Variants in RBFOX1 observed in about 807,000 individuals in gnomAD.
RBFOX1 encodes the protein RNA binding protein fox-1 homolog 1.
RBFOX1 carries 8 observed loss-of-function variants against 57.7 expected under a neutral mutation model. The observed-to-expected ratio is 0.14, with a 90% CI of 0.08 to 0.25. RBFOX1 has a LOEUF of 0.25. Among genes scored for constraint, RBFOX1 ranks in the 10% least tolerant of loss-of-function variants. RBFOX1 has a pLI of 1.00. For synonymous variants in RBFOX1, 326 were observed against 222.4 expected (o/e 1.47, Z -4.15); for missense variants, 611 against 548.5 (o/e 1.11, Z -1.14).
intron 2 of RBFOX1, among the ~76,000 whole-genome samples, chr16:5,483,567 G>A (rs1412353089): frequency 6.6e-6 from 1 of 152,162 alleles, no homozygotes; most frequent in Non-Finnish European, 1.5e-5. Context: ...TAGCTGTCAG[G>A]CTCTGCATTT....
chr16:7,110,897 A>G (rs936224648), intron 4 of RBFOX1, among the ~76,000 whole-genome samples: 4 of 152,154 alleles, frequency 2.6e-5, no homozygotes, highest in South Asian at 2.1e-4. Flanking sequence ...GTGATATAGA[A>G]TTAAGATTTT....
intron 1 of RBFOX1, among the ~76,000 whole-genome samples, chr16:5,372,807 C>T (rs558520571): frequency 1.3e-5 from 2 of 152,318 alleles, no homozygotes; most frequent in East Asian, 1.9e-4. Flanking sequence ...TGCTGGGTCG[C>T]GTTGACCCGC....
intron 3 of RBFOX1, among the ~76,000 whole-genome samples, chr16:5,833,122 C>A (rs778293041): frequency 1.3e-5 from 2 of 152,062 alleles, no homozygotes; most frequent in Non-Finnish European, 2.9e-5. Flanking sequence ...CATACTAGAG[C>A]CTTATGCATA....
chr16:6,009,989 C>T (rs148836508), intron 4 of RBFOX1, among the ~76,000 whole-genome samples: 140 of 152,242 alleles, frequency 9.2e-4, no homozygotes, highest in African/African-American at 2.9e-3. Flanking sequence ...TTTGACATTC[C>T]GTCAGTGGAG....
At chr16:5,869,367 A>G (rs1244289439) in intron 4 of RBFOX1, among the ~76,000 whole-genome samples, 1 of 152,154 alleles carries the variant, frequency 6.6e-6, no homozygotes. Flanking sequence ...ATCCAACAAG[A>G]AAACGATCAT....
At chr16:6,170,236 C>A (rs1293760191) in intron 1 of RBFOX1, among the ~76,000 whole-genome samples, 3 of 152,230 alleles carry the variant, frequency 2.0e-5, no homozygotes, top group Admixed American at 1.3e-4. Context: ...ACTATGAAAG[C>A]CGTGTTCATG....
chr16:7,636,183 C>T (rs151221091), intron 11 of RBFOX1, among the ~76,000 whole-genome samples: 4 of 152,338 alleles, frequency 2.6e-5, no homozygotes, highest in African/African-American at 9.6e-5. Context: ...CGTGCAACTA[C>T]ATCCATTCTA....
chr16:5,562,123 C>T (rs1479312246), intron 2 of RBFOX1, among the ~76,000 whole-genome samples: 1 of 152,112 alleles, frequency 6.6e-6, no homozygotes, highest in African/African-American at 2.4e-5. Flanking sequence ...TCTTCCTGAG[C>T]TCATGGCAAG....
chr16:5,428,126 G>GTC (rs1567495863), intron 1 of RBFOX1, among the ~76,000 whole-genome samples: 16 of 121,494 alleles, frequency 1.3e-4, no homozygotes, highest in Admixed American at 2.3e-4. Flanking sequence ...GTGTGTCTGT[G>GTC]TGTGTGTGTG....
chr16:6,192,350 T>A (rs2152811457), intron 1 of RBFOX1, among the ~76,000 whole-genome samples: 1 of 152,266 alleles, frequency 6.6e-6, no homozygotes, highest in Non-Finnish European at 1.5e-5. Context: ...TGGCATTTTG[T>A]CTTCTGAAGG....
chr16:5,669,868 A>C (rs1323855646), intron 3 of RBFOX1, among the ~76,000 whole-genome samples: 3 of 152,248 alleles, frequency 2.0e-5, no homozygotes, highest in African/African-American at 7.2e-5. Context: ...ATATGTCCAC[A>C]AAAGATTTGT....
intron 4 of RBFOX1, among the ~76,000 whole-genome samples, chr16:7,095,690 C>T (rs979997905): frequency 1.3e-5 from 2 of 152,052 alleles, no homozygotes; most frequent in South Asian, 2.1e-4. Flanking sequence ...GTTGATCACT[C>T]GATAAGTAGC....
intron 4 of RBFOX1, among the ~76,000 whole-genome samples, chr16:7,281,902 C>T (rs774188590): frequency 6.6e-6 from 1 of 151,960 alleles, no homozygotes; most frequent in East Asian, 1.9e-4. Context: ...ACTCTGTCAC[C>T]CAGGATGGAC....
At chr16:6,662,762 A>C (rs1603237664) in intron 3 of RBFOX1, among the ~76,000 whole-genome samples, 1 of 152,212 alleles carries the variant, frequency 6.6e-6, no homozygotes, top group Non-Finnish European at 1.5e-5. Flanking sequence ...CTATAACCGA[A>C]TGACAGTGTT....
intron 2 of RBFOX1, among the ~76,000 whole-genome samples, chr16:6,423,500 G>A (rs2093833726): frequency 1.3e-5 from 2 of 152,330 alleles, no homozygotes; most frequent in East Asian, 3.9e-4. Context: ...TTGGAAGGCT[G>A]AGGTGAGAGA....
intron 1 of RBFOX1, among the ~76,000 whole-genome samples, chr16:6,274,684 G>A (rs1398441061): frequency 6.6e-6 from 1 of 152,150 alleles, no homozygotes; most frequent in Non-Finnish European, 1.5e-5. Context: ...CCTTGTGGGA[G>A]GAACTAGGTA....
chr16:5,857,738 A>G (rs944394667), intron 3 of RBFOX1, among the ~76,000 whole-genome samples: 4 of 151,956 alleles, frequency 2.6e-5, no homozygotes, highest in African/African-American at 9.7e-5. Flanking sequence ...CCTGGGCAAT[A>G]TAGAGAAACC....
intron 4 of RBFOX1, among the ~76,000 whole-genome samples, chr16:7,499,107 T>C (rs2069727718): frequency 6.6e-6 from 1 of 152,160 alleles, no homozygotes; most frequent in South Asian, 2.1e-4. Flanking sequence ...TGACTTGAAA[T>C]AGAAATTTAC....
At chr16:7,558,469 G>A (rs1470266459) in intron 5 of RBFOX1, among the ~76,000 whole-genome samples, 2 of 151,576 alleles carry the variant, frequency 1.3e-5, no homozygotes, top group African/African-American at 4.9e-5. Context: ...TACATGTATA[G>A]TACATAAATA....
Sources: gnomAD v4.1 joint callset for allele counts (sites outside exome capture counted in the v4.1 genomes callset) on GRCh38, gnomAD v4.1.1 for gene constraint, MANE v1.5 for transcripts, NCBI Gene and HGNC (gene_info 2026-07-23, HGNC 2026-07-21) for gene names.